Variants in MARK2 observed in about 807,000 individuals in gnomAD.
The protein encoded by MARK2 is microtubule affinity regulating kinase 2.
A neutral mutation model predicts 89.8 loss-of-function variants in MARK2; 16 were observed. The ratio of observed to expected loss-of-function variants is 0.18; its 90% CI spans 0.12 to 0.27. The LOEUF is 0.27. Ranked by LOEUF, MARK2 falls within the 10% of genes least tolerant of loss-of-function variation. The pLI, the probability that MARK2 is intolerant of heterozygous loss-of-function variation, is 1.00. For missense variants in MARK2, 621 were observed against 1,049.9 expected (o/e 0.59, Z 5.65); for synonymous variants, 382 against 399.5 (o/e 0.96, Z 0.52).
In MARK2 at chr11:63,910,906, G is replaced by C. The variant is rs1283640733; in HGVS notation, c.*1669G>C. 6.6e-6 allele frequency: 1 copy of C among 152,250 alleles called. No homozygotes were observed. Among genetic ancestry groups the C allele is most frequent in the Non-Finnish European group, 1.5e-5 (1 of 68,080 alleles). 9.4% of individuals were successfully genotyped at this position (152,250 alleles called of 1,614,324 possible). ...TGGCTTGGCTCCCAAAGGGGGTAGG[G>C]GCCCGGGGCACCCAGGCAAGGTGGC... On this transcript the variant is annotated 3_prime_UTR_variant, in exon 19 of 19. Transcript: ENST00000402010.
At chr11:63,879,237 G>A (rs766882362) in intron 1 of MARK2, among the ~76,000 whole-genome samples, 1 of 152,150 alleles carries the variant, frequency 6.6e-6, no homozygotes, top group Non-Finnish European at 1.5e-5. Flanking sequence ...AACCCAGGAG[G>A]TAGAGGTTGC....
In MARK2 at chr11:63,839,518, T is replaced by C; in HGVS notation, c.12T>C (p.Ala4=). MSS[A]RTPLPTLNER... ...GAGATACCGGCGCCATGTCCAGCGC[T>C]CGGACCCCCCTACCCACGCTGAACG... Residue 4 remains alanine (A), a synonymous_variant, in exon 1 of 19, where the codon GCT becomes GCC. Transcript: ENST00000402010. 2 of 1,526,378 alleles carry C rather than the reference T, an allele frequency of 1.3e-6. No individual in the cohort carries two copies. The highest frequency in any genetic ancestry group is 2.0e-5 in the Admixed American group (1 of 49,126). 94.6% of individuals were successfully genotyped at this position (1,526,378 alleles called of 1,614,324 possible). A position where few individuals can be genotyped will look rare whatever the true frequency, so the allele number is the denominator to read the frequency against.
chr11:63,872,664 C>A (rs1938521330), intron 1 of MARK2, among the ~76,000 whole-genome samples: 1 of 152,038 alleles, frequency 6.6e-6, no homozygotes, highest in Admixed American at 6.6e-5. Context: ...GGCAGGGGAC[C>A]AACCCGCTTC....
intron 1 of MARK2, among the ~76,000 whole-genome samples, chr11:63,881,758 CAAGA>C: frequency 6.6e-6 from 1 of 152,016 alleles, no homozygotes; most frequent in East Asian, 1.9e-4. Flanking sequence ...CCAGCCTGGG[CAAGA>C]TGGCAAGATG....
At chr11:63,882,299 A>G (rs1009777681) in intron 1 of MARK2, among the ~76,000 whole-genome samples, 1 of 151,928 alleles carries the variant, frequency 6.6e-6, no homozygotes, top group Non-Finnish European at 1.5e-5. Context: ...TTTAAAAAAT[A>G]TGGGCCAGGC....
Position 63,902,442 on chromosome 11 carries a change from T to C in MARK2, c.1234+112T>C, listed in dbSNP as rs959558560. 4.1e-6 allele frequency: 6 copies of C among 1,464,550 alleles called. No individual in the cohort carries two copies. The African/African-American group carries it at 4.2e-5, about 10-fold the overall frequency. 90.7% of individuals were successfully genotyped at this position (1,464,550 alleles called of 1,614,324 possible). On this transcript the variant is annotated intron_variant, in intron 12 of 18. Transcript: ENST00000402010. The surrounding 1 kb of genome is among the most constrained non-coding windows in gnomAD (Gnocchi z 4.2). ...GTTTCAGTCCTGGTTCAGCCACTTA[T>C]TAGTAGTGTGGCTATGGGCAAGCCA...
intron 1 of MARK2, among the ~76,000 whole-genome samples, chr11:63,857,549 A>G (rs1214615088): frequency 6.6e-6 from 1 of 152,230 alleles, no homozygotes; most frequent in Non-Finnish European, 1.5e-5. Context: ...TTCCTTTGGT[A>G]TATATTTAGT....
chr11:63,866,634 G>A (rs1002100798), intron 1 of MARK2, among the ~76,000 whole-genome samples: 47 of 152,156 alleles, frequency 3.1e-4, no homozygotes, highest in Non-Finnish European at 4.9e-4. Flanking sequence ...CGAGAGGCTT[G>A]TGTAGCTAAT....
chr11:63,856,911 C>A (rs2135227623), intron 1 of MARK2, among the ~76,000 whole-genome samples: 1 of 151,044 alleles, frequency 6.6e-6, no homozygotes, highest in East Asian at 2.0e-4. Context: ...GGGTTCACGC[C>A]ATTCTCCTGC....
At chr11:63,898,414 CA>C in intron 4 of MARK2, 134 bp downstream of exon 4, 2 of 980,064 alleles carry the variant, frequency 2.0e-6, no homozygotes, top group Non-Finnish European at 3.2e-6. Context: ...AAGCTCAGCT[CA>C]AAATCCATCT....
chr11:63,885,980 T>A (rs1040020743), intron 1 of MARK2, among the ~76,000 whole-genome samples: 1 of 151,290 alleles, frequency 6.6e-6, no homozygotes, highest in Non-Finnish European at 1.5e-5. Context: ...TATAAAAAAA[T>A]TAGCTGAGTG....
At chr11:63,849,501 C>G (rs1217642523) in intron 1 of MARK2, among the ~76,000 whole-genome samples, 1 of 152,144 alleles carries the variant, frequency 6.6e-6, no homozygotes, top group Non-Finnish European at 1.5e-5. Flanking sequence ...GCCTGTAATC[C>G]CAGCACTTTG....
intron 1 of MARK2, among the ~76,000 whole-genome samples, chr11:63,846,982 G>A (rs2016319333): frequency 1.3e-5 from 2 of 152,184 alleles, no homozygotes; most frequent in Admixed American, 1.3e-4. Flanking sequence ...AAGTTACCTG[G>A]GTGTGGTAGC....
At chr11:63,886,659 A>G (rs1205327582) in intron 1 of MARK2, among the ~76,000 whole-genome samples, 2 of 152,140 alleles carry the variant, frequency 1.3e-5, no homozygotes, top group Non-Finnish European at 2.9e-5. Context: ...CCTGACCTCA[A>G]GTGATCCACC....
rs1386635895 is a variant in MARK2 at position 63,902,977 on chromosome 11, GCCTGTTCCATGAA to G, written c.1417-79_1417-67del. 4.8e-6 allele frequency: 6 copies of G among 1,244,144 alleles called. No individual in the cohort carries two copies. The African/African-American group carries it at 8.8e-5, about 18-fold the overall frequency. 77.1% of individuals were successfully genotyped at this position (1,244,144 alleles called of 1,614,324 possible). Reference sequence around the variant, plus strand: ...CTGCTTCAGGTGGAAGGGACAGGAAGCCTGTTCCATGAACCTGGGGGGAGAACCTGGCTGTAGA... The same window carrying G: ...CTGCTTCAGGTGGAAGGGACAGGAAGCCTGGGGGGAGAACCTGGCTGTAGA... On this transcript the variant is annotated intron_variant, in intron 13 of 18. Coordinates refer to ENST00000402010, the MANE Select transcript of MARK2 (RefSeq NM_001039469.3). This position sits in a 1 kb window ranked among gnomAD's most constrained non-coding sequence, Gnocchi z 4.2.
intron 7 of MARK2, 132 bp from the exon 8 acceptor site, chr11:63,899,742 T>G: frequency 2.8e-6 from 2 of 712,352 alleles, no homozygotes; most frequent in East Asian, 2.5e-5. Flanking sequence ...AGCCCTGCCC[T>G]GAAATTGGTG....
chr11:63,866,157 G>A (rs1249428176), intron 1 of MARK2, among the ~76,000 whole-genome samples: 4 of 152,046 alleles, frequency 2.6e-5, no homozygotes, highest in Admixed American at 6.6e-5. Context: ...TTCGACACCA[G>A]CCTGGTCAAC....
chr11:63,842,483 G>C (rs368733026), intron 1 of MARK2, among the ~76,000 whole-genome samples: 4 of 152,094 alleles, frequency 2.6e-5, no homozygotes. Flanking sequence ...TGGGATTACA[G>C]GTGTGAGCCA....
intron 4 of MARK2, 91 bp from the exon 5 acceptor site, chr11:63,898,517 C>T (rs528559658): frequency 1.9e-6 from 2 of 1,075,214 alleles, no homozygotes; most frequent in East Asian, 2.4e-5. Context: ...GGAGGGGAGA[C>T]TTTCGTTCCT....
Sources: allele counts gnomAD v4.1 joint callset (sites outside exome capture counted in the v4.1 genomes callset), GRCh38; gene constraint gnomAD v4.1.1; non-coding constraint Gnocchi (gnomAD v3.1); transcripts MANE v1.5; gene names NCBI Gene and HGNC (gene_info 2026-07-23, HGNC 2026-07-21).